The following ZNRF3 variants were observed in gnomAD, a reference collection of about 807,000 sequenced individuals.
The protein encoded by ZNRF3 is E3 ubiquitin-protein ligase ZNRF3.
ZNRF3 carries 23 observed loss-of-function variants against 72.5 expected under a neutral mutation model. The ratio of observed to expected loss-of-function variants is 0.32; its 90% CI spans 0.23 to 0.45. ZNRF3 has a LOEUF of 0.45. Among genes scored for constraint, ZNRF3 ranks in the 20% least tolerant of loss-of-function variants. ZNRF3 has a pLI of 1.00. For missense variants in ZNRF3, 1,169 were observed against 1,272.1 expected (o/e 0.92, Z 1.23); for synonymous variants, 610 against 545.3 (o/e 1.12, Z -1.65).
chr22:28,927,012 C>G (rs181842603), intron 1 of ZNRF3, among the ~76,000 whole-genome samples: 5 of 150,710 alleles, frequency 3.3e-5, no homozygotes, highest in Non-Finnish European at 5.9e-5. Context: ...CCCAGCTACT[C>G]AAGAGGCTGA....
At chr22:28,974,912 C>T (rs1458024227) in intron 1 of ZNRF3, among the ~76,000 whole-genome samples, 1 of 152,208 alleles carries the variant, frequency 6.6e-6, no homozygotes, top group Non-Finnish European at 1.5e-5. Context: ...GCTGAGATTA[C>T]AGGCAGATAT....
At chr22:28,936,644 A>G (rs905811511) in intron 1 of ZNRF3, among the ~76,000 whole-genome samples, 3 of 152,172 alleles carry the variant, frequency 2.0e-5, no homozygotes, top group African/African-American at 7.2e-5. Context: ...GCTGTACTCC[A>G]GCCCACCTTG....
intron 2 of ZNRF3, among the ~76,000 whole-genome samples, chr22:29,020,648 T>C (rs1378963248): frequency 6.6e-6 from 1 of 152,114 alleles, no homozygotes; most frequent in East Asian, 1.9e-4. Flanking sequence ...GAGGGCCGAC[T>C]GTATACTCAC....
intron 1 of ZNRF3, among the ~76,000 whole-genome samples, chr22:28,974,739 A>T (rs976855396): frequency 9.2e-5 from 14 of 152,092 alleles, no homozygotes; most frequent in African/African-American, 3.4e-4. Flanking sequence ...TCAACCTTCC[A>T]GGCTCAAGCA....
chr22:28,970,176 A>G lies in ZNRF3; in HGVS notation c.301-16900A>G, dbSNP rs114531834. Among the ~76,000 whole-genome samples, 476 of 152,368 alleles carry G rather than the reference A, an allele frequency of 3.1e-3. 3 individuals are homozygous for G. Among genetic ancestry groups the G allele is most frequent in the African/African-American group, 0.011 (440 of 41,590 alleles). ...ATATAGAAAGAACTCTGAAAATTCA[A>G]TAAGTACACAACCCAATTAAAAGCA... is the stretch of plus-strand genomic sequence containing the variant. On this transcript the variant is annotated intron_variant, in intron 1 of 8. Transcript: ENST00000544604.
intron 1 of ZNRF3, 29 bp downstream of exon 1, chr22:28,884,095 C>T: frequency 8.5e-7 from 1 of 1,174,212 alleles, no homozygotes; most frequent in Non-Finnish European, 1.1e-6. Context: ...GGCCCCGCGC[C>T]GCCTCCGCCA....
At chr22:28,893,059 C>T (rs1045140170) in intron 1 of ZNRF3, among the ~76,000 whole-genome samples, 8 of 151,596 alleles carry the variant, frequency 5.3e-5, no homozygotes, top group African/African-American at 1.5e-4. Flanking sequence ...CCCAGCTACT[C>T]GGGAGGCTGA....
At position 29,044,801 on chromosome 22, in the gene ZNRF3, A is replaced by C. The variant is rs754891651; in HGVS notation, c.655A>C (p.Met219Leu). Residue 219 changes from methionine to leucine, a missense_variant, in exon 5 of 9, where the codon ATG (methionine) becomes CTG (leucine). By Grantham distance (15) the Met-to-Leu change is conservative. Around this residue, in one of 2 missense-constraint regions of ZNRF3, gnomAD observed 386 missense variants for 540.7 expected, o/e 0.71. Coordinates refer to ENST00000544604, the MANE Select transcript of ZNRF3 (RefSeq NM_001206998.2). Reference protein sequence around the residue: ...PPRQPTEYFDMGIFLAFFVVV... With the variant: ...PPRQPTEYFDLGIFLAFFVVV... ...CCAGCAACCCACTGAATACTTTGAC[A>C]TGGGGATTTTCCTGGCTTTCTTCGT... 6.2e-7 allele frequency: 1 copy of C among 1,614,082 alleles called. No homozygotes were observed. The highest frequency in any genetic ancestry group is 1.7e-5 in the Admixed American group (1 of 60,016).
chr22:28,979,624 C>T (rs2123821043), intron 1 of ZNRF3, among the ~76,000 whole-genome samples: 1 of 152,304 alleles, frequency 6.6e-6, no homozygotes, highest in African/African-American at 2.4e-5. Flanking sequence ...TAATTAAATC[C>T]TGACCTATTT....
rs1017475862 is a variant in ZNRF3 at position 28,998,949 on chromosome 22, G to A, written c.426+11748G>A. On this transcript the variant is annotated intron_variant, in intron 2 of 8. Coordinates refer to ENST00000544604, the MANE Select transcript of ZNRF3 (RefSeq NM_001206998.2). ...CCATCCATTGAACCAGGCTCTTGAT[G>A]CAACAAGGGTCACAAATGAGGCTAA... 2.2e-4 allele frequency among the ~76,000 whole-genome samples: 33 copies of A among 152,204 alleles called. 1 individual carries two copies. The highest frequency in any genetic ancestry group is 6.8e-3 in the Middle Eastern group (2 of 294).
At chr22:29,024,206 G>T (rs770769073) in intron 2 of ZNRF3, among the ~76,000 whole-genome samples, 2 of 150,878 alleles carry the variant, frequency 1.3e-5, no homozygotes, top group Non-Finnish European at 2.9e-5. Context: ...CAAAGGAAGC[G>T]ATCCGGCCCA....
chr22:28,961,102 C>A (rs1187649090), intron 1 of ZNRF3, among the ~76,000 whole-genome samples: 1 of 152,150 alleles, frequency 6.6e-6, no homozygotes, highest in Admixed American at 6.6e-5. Context: ...GATCAAGGTG[C>A]CAGCAGATTT....
At chr22:28,901,842 A>G (rs1372034757) in intron 1 of ZNRF3, among the ~76,000 whole-genome samples, 1 of 150,916 alleles carries the variant, frequency 6.6e-6, no homozygotes, top group East Asian at 1.9e-4. Flanking sequence ...GGGTTTTGCC[A>G]TGTTGCCCAG....
chr22:29,046,606 C>T, intron 5 of ZNRF3, 110 bp from the exon 6 acceptor site: 1 of 1,233,376 alleles, frequency 8.1e-7, no homozygotes, highest in Admixed American at 2.6e-5. Flanking sequence ...TCTGTTCCGG[C>T]ATGATAGAGA....
At chr22:29,034,038 C>G (rs924962150) in intron 2 of ZNRF3, among the ~76,000 whole-genome samples, 3 of 152,168 alleles carry the variant, frequency 2.0e-5, no homozygotes, top group Admixed American at 1.3e-4. Context: ...GTTTCTGCCC[C>G]CTTCGGTCAC....
intron 1 of ZNRF3, among the ~76,000 whole-genome samples, chr22:28,890,916 C>T (rs1013043189): frequency 2.0e-5 from 3 of 152,028 alleles, no homozygotes; most frequent in African/African-American, 7.2e-5. Context: ...TGCCACCATA[C>T]CGAGCTAATT....
chr22:28,901,850 C>G (rs1424711153), intron 1 of ZNRF3, among the ~76,000 whole-genome samples: 1 of 151,684 alleles, frequency 6.6e-6, no homozygotes, highest in African/African-American at 2.4e-5. Flanking sequence ...CCATGTTGCC[C>G]AGGCTAGTGG....
At position 29,050,729 on chromosome 22, in the gene ZNRF3, C is replaced by T. The variant is rs373593102; in HGVS notation, c.2548C>T (p.His850Tyr). The T allele has an allele frequency of 7.4e-6, 12 of 1,610,742 alleles. No homozygotes were observed. The highest frequency in any genetic ancestry group is 1.0e-5 in the Non-Finnish European group (12 of 1,178,884). Residue 850 changes from histidine (H) to tyrosine (Y), a missense_variant, in exon 8 of 9, where the codon CAC (histidine) becomes TAC (tyrosine). His to Tyr is a moderately conservative substitution (Grantham distance 83). This residue lies in a region of ZNRF3 where 783 missense variants were observed against 731.4 expected (regional missense o/e 1.07). Coordinates refer to ENST00000544604, the MANE Select transcript of ZNRF3 (RefSeq NM_001206998.2). The stretch of plus-strand genomic sequence containing the variant: ...CCTGCCCTCGGACTGCCAAGGGACC[C>T]ACAGCCTCGGCTCCTGGGGTGGGAC... ...LGLPSDCQGT[H>Y]SLGSWGGTRG...
At chr22:28,930,375 G>T (rs1442513024) in intron 1 of ZNRF3, among the ~76,000 whole-genome samples, 1 of 152,188 alleles carries the variant, frequency 6.6e-6, no homozygotes, top group African/African-American at 2.4e-5. Flanking sequence ...TCCCAGCCAG[G>T]AGTCTGCAGT....
Sources: gnomAD v4.1 joint callset for allele counts (sites outside exome capture counted in the v4.1 genomes callset) on GRCh38, gnomAD v4.1.1 for gene constraint, gnomAD v4.1.1 regional missense constraint, MANE v1.5 for transcripts, NCBI Gene and HGNC (gene_info 2026-07-23, HGNC 2026-07-21) for gene names.